The following CEP112 variants were observed in gnomAD, a reference collection of about 807,000 sequenced individuals.
The protein encoded by CEP112 is centrosomal protein 112.
Under a neutral mutation model 153.0 loss-of-function variants are expected in CEP112, and 127 were observed. The observed-to-expected ratio is 0.83, with a 90% CI of 0.72 to 0.96. The LOEUF is 0.96. Ranked by LOEUF, CEP112 falls within the 40% of genes least tolerant of loss-of-function variation. The pLI is 0.00. For synonymous variants in CEP112, 358 were observed against 374.4 expected, an observed-to-expected ratio of 0.96 and a Z score of 0.51; for missense variants, 1,089 against 1,101.2, an observed-to-expected ratio of 0.99 and a Z score of 0.16.
Position 65,689,161 on chromosome 17 carries a change from A to AT in CEP112, c.2664dup (p.Leu889IlefsTer20). On this transcript the variant is annotated frameshift_variant, in exon 24 of 27. Coordinates refer to ENST00000535342, the MANE Select transcript of CEP112 (RefSeq NM_001199165.4). LOFTEE classifies it high-confidence loss of function. ...TGTGACTCCAATTCTTTGTGTTGTA[A>AT]TTTTTTCTCTGCACATCGCACCTGA... 1 of 1,613,472 alleles carries AT rather than the reference A, an allele frequency of 6.2e-7. No individual in the cohort carries two copies.
chr17:66,075,121 T>C (rs1026349705), intron 8 of CEP112, among the ~76,000 whole-genome samples: 4 of 152,002 alleles, frequency 2.6e-5, no homozygotes, highest in Non-Finnish European at 5.9e-5. Context: ...GTACTAGAAA[T>C]AGTATGTGAG....
chr17:66,050,009 T>TA (rs2066372958), intron 12 of CEP112, among the ~76,000 whole-genome samples: 1 of 55,418 alleles, frequency 1.8e-5, no homozygotes, highest in African/African-American at 4.5e-5. Context: ...CAGAACTAAA[T>TA]TAAAAAACTC....
chr17:65,967,744 T>C (rs1424136515), intron 17 of CEP112, among the ~76,000 whole-genome samples: 2 of 152,162 alleles, frequency 1.3e-5, no homozygotes, highest in Non-Finnish European at 2.9e-5. Flanking sequence ...GTTTAAAGTT[T>C]ATGTAATAAT....
chr17:66,069,146 C>A (rs2067222816), intron 9 of CEP112, among the ~76,000 whole-genome samples: 1 of 151,926 alleles, frequency 6.6e-6, no homozygotes, highest in Admixed American at 6.6e-5. Context: ...GCTGTAACTA[C>A]TGCAACTACC....
chr17:66,093,320 C>T (rs934577085), intron 8 of CEP112, among the ~76,000 whole-genome samples: 1 of 151,950 alleles, frequency 6.6e-6, no homozygotes, highest in Non-Finnish European at 1.5e-5. Context: ...CCAGCCTAAG[C>T]AACAGAGCAT....
At chr17:65,700,666 G>T (rs1394594379) in intron 23 of CEP112, among the ~76,000 whole-genome samples, 1 of 152,168 alleles carries the variant, frequency 6.6e-6, no homozygotes, top group African/African-American at 2.4e-5. Flanking sequence ...TGTGCCAGGA[G>T]GACTATAGAT....
intron 17 of CEP112, among the ~76,000 whole-genome samples, chr17:65,970,107 G>T (rs866669661): frequency 6.6e-4 from 100 of 152,284 alleles, no homozygotes; most frequent in African/African-American, 2.3e-3. Flanking sequence ...TGTATGCATA[G>T]CACATGCATA....
At chr17:66,184,025 G>T (rs1471895151) in intron 1 of CEP112, among the ~76,000 whole-genome samples, 1 of 152,062 alleles carries the variant, frequency 6.6e-6, no homozygotes. Flanking sequence ...CAGGCAGGAG[G>T]AATGCTTGAG....
chr17:66,190,038 C>A (rs940105094), intron 1 of CEP112, among the ~76,000 whole-genome samples: 1 of 150,714 alleles, frequency 6.6e-6, no homozygotes, highest in Admixed American at 6.6e-5. Flanking sequence ...TCTCAAAAAA[C>A]CTGAAAATGG....
At chr17:65,914,549 T>G (rs1032520603) in intron 19 of CEP112, among the ~76,000 whole-genome samples, 2 of 152,152 alleles carry the variant, frequency 1.3e-5, no homozygotes, top group African/African-American at 4.8e-5. Context: ...CTGGTCCACC[T>G]GCAAAGACCC....
At chr17:65,942,736 T>C (rs1269916777) in intron 18 of CEP112, among the ~76,000 whole-genome samples, 1 of 152,228 alleles carries the variant, frequency 6.6e-6, no homozygotes, top group African/African-American at 2.4e-5. Context: ...CTGTGTCTCA[T>C]GTTGCCCTAA....
intron 20 of CEP112, among the ~76,000 whole-genome samples, chr17:65,896,055 T>C (rs2059648526): frequency 2.6e-5 from 4 of 152,156 alleles, no homozygotes; most frequent in African/African-American, 9.7e-5. Context: ...CAATCATTAT[T>C]AGTTGACACA....
chr17:65,702,410 A>G (rs232146), intron 23 of CEP112, among the ~76,000 whole-genome samples: 27,740 of 152,158 alleles, frequency 0.18, 3,171 homozygotes, highest in African/African-American at 0.31. Flanking sequence ...CTCAATATAC[A>G]GGAATCCCCA....
intron 2 of CEP112, among the ~76,000 whole-genome samples, chr17:66,179,050 T>C (rs1305801026): frequency 1.3e-5 from 2 of 152,178 alleles, no homozygotes; most frequent in South Asian, 4.1e-4. Context: ...CATAGGTCCA[T>C]GTGATTGTTT....
chr17:66,068,883 A>G (rs1030597369), intron 9 of CEP112, among the ~76,000 whole-genome samples: 7 of 152,024 alleles, frequency 4.6e-5, no homozygotes, highest in Non-Finnish European at 1.0e-4. Context: ...ACTCTCTAAC[A>G]TACTTATGAT....
chr17:65,838,939 A>G (rs898198156), intron 21 of CEP112, among the ~76,000 whole-genome samples: 1 of 152,200 alleles, frequency 6.6e-6, no homozygotes, highest in Non-Finnish European at 1.5e-5. Flanking sequence ...CATGCAACAT[A>G]CCAAAATTCA....
intron 20 of CEP112, among the ~76,000 whole-genome samples, chr17:65,885,128 G>A (rs975762990): frequency 1.3e-5 from 2 of 152,112 alleles, no homozygotes; most frequent in South Asian, 2.1e-4. Flanking sequence ...ATGGAAGAAC[G>A]ATTTTTATAT....
chr17:66,027,580 A>G lies in CEP112; in HGVS notation c.1597-20T>C, dbSNP rs141487547. On this transcript the variant is annotated intron_variant, in intron 15 of 26. Transcript: ENST00000535342. Reference sequence around the variant, plus strand: ...TTGATCCTGTGAATGATAAATGTTTATATTTATTATACTTTAAATTATACT... The same window carrying G: ...TTGATCCTGTGAATGATAAATGTTTGTATTTATTATACTTTAAATTATACT... 5.2e-4 allele frequency: 644 copies of G among 1,236,022 alleles called. 4 individuals carry two copies. The African/African-American group carries it at 7.2e-3, about 14-fold the overall frequency. 76.6% of individuals were successfully genotyped at this position (1,236,022 alleles called of 1,614,324 possible). A position where few individuals can be genotyped will look rare whatever the true frequency, so the allele number is the denominator to read the frequency against.
chr17:66,133,404 A>C (rs2070290119), intron 4 of CEP112, among the ~76,000 whole-genome samples: 1 of 152,258 alleles, frequency 6.6e-6, no homozygotes, highest in African/African-American at 2.4e-5. Flanking sequence ...ATGTAGTTTA[A>C]AGTTTCAATT....
Sources: gnomAD v4.1 joint callset for allele counts (sites outside exome capture counted in the v4.1 genomes callset) on GRCh38, gnomAD v4.1.1 for gene constraint, MANE v1.5 for transcripts, NCBI Gene and HGNC (gene_info 2026-07-23, HGNC 2026-07-21) for gene names.